CSMD1: variants seen among roughly 807,000 people sequenced by gnomAD.
The protein encoded by CSMD1 is CUB and sushi domain-containing protein 1.
CSMD1 carries 213 observed loss-of-function variants against 417.5 expected under a neutral mutation model. That is an observed-to-expected ratio of 0.51 (90% CI 0.46 to 0.57). The LOEUF (loss-of-function observed/expected upper bound fraction) is 0.57, where lower values mean the gene tolerates loss of function less well. Among genes scored for constraint, CSMD1 ranks in the 20% least tolerant of loss-of-function variants. The pLI is 0.00. For missense variants in CSMD1, 6,923 were observed against 4,529.7 expected (o/e 1.53, Z -15.17); for synonymous variants, 2,862 against 1,736.8 (o/e 1.65, Z -16.11).
chr8:3,061,199 C>T (rs1812567484), intron 49 of CSMD1, among the ~76,000 whole-genome samples: 1 of 152,108 alleles, frequency 6.6e-6, no homozygotes, highest in Admixed American at 6.6e-5. Flanking sequence ...ACCTGCAAAA[C>T]ACAAATCACC....
At position 4,986,735 on chromosome 8, in the gene CSMD1, T is replaced by C. The variant is rs528891718; in HGVS notation, c.85+7597A>G. On this transcript the variant is annotated intron_variant, in intron 1 of 69. Coordinates refer to ENST00000635120, the MANE Select transcript of CSMD1 (RefSeq NM_033225.6). Reference sequence around the variant, plus strand: ...TGTAAAACTATTAAAAAAAAGAAGATTAGACAGCATTGAATGATGGATACC... The same window carrying C: ...TGTAAAACTATTAAAAAAAAGAAGACTAGACAGCATTGAATGATGGATACC... Among the ~76,000 whole-genome samples, 9 of 152,196 alleles carry C rather than the reference T, an allele frequency of 5.9e-5. No individual in the cohort carries two copies. The South Asian group carries it at 1.7e-3, about 28-fold the overall frequency.
chr8:3,827,512 T>A (rs1481373008), intron 5 of CSMD1, among the ~76,000 whole-genome samples: 1 of 152,182 alleles, frequency 6.6e-6, no homozygotes, highest in Non-Finnish European at 1.5e-5. Flanking sequence ...CTCTGTGACA[T>A]CTAGGTTTCC....
chr8:4,451,630 T>C lies in CSMD1; in HGVS notation c.303-31565A>G, dbSNP rs566264006. On this transcript the variant is annotated intron_variant, in intron 2 of 69. Coordinates refer to ENST00000635120, the MANE Select transcript of CSMD1 (RefSeq NM_033225.6). ...AGGTTATATTCAAGAAGGAATCTAC[T>C]AGAAGGTAATGTTAGGATACATTCC... Among the ~76,000 whole-genome samples the C allele has an allele frequency of 1.2e-4, 18 of 152,306 alleles. No individual in the cohort carries two copies. In the South Asian group the frequency reaches 3.7e-3, roughly 32 times the overall value.
chr8:3,948,502 T>A (rs1256023542), intron 5 of CSMD1, among the ~76,000 whole-genome samples: 3 of 152,106 alleles, frequency 2.0e-5, no homozygotes, highest in South Asian at 2.1e-4. Context: ...TTTTGAATAG[T>A]TTGTCTTCTT....
chr8:3,026,929 T>A (rs1264889001), intron 51 of CSMD1, among the ~76,000 whole-genome samples: 1 of 152,164 alleles, frequency 6.6e-6, no homozygotes, highest in Non-Finnish European at 1.5e-5. Context: ...TGTACTCTGA[T>A]GTCATTTCCA....
At position 2,950,216 on chromosome 8, in the gene CSMD1, T is replaced by C. The variant is rs952033511; in HGVS notation, c.10314+15A>G. On this transcript the variant is annotated intron_variant, in intron 67 of 69. Coordinates refer to ENST00000635120, the MANE Select transcript of CSMD1 (RefSeq NM_033225.6). ...AAAGCCTGTGCTTTGTCACAGACCT[T>C]ACACATGTACTTACATAACCATCTA... The C allele has an allele frequency of 4.7e-6, 7 of 1,479,878 alleles. No homozygotes were observed. The highest frequency in any genetic ancestry group is 1.4e-5 in the African/African-American group (1 of 71,988). The allele number at this position is 1,479,878 out of a possible 1,614,324, so 91.7% of individuals were successfully genotyped here.
At chr8:4,886,913 C>T (rs573683888) in intron 1 of CSMD1, among the ~76,000 whole-genome samples, 18 of 151,896 alleles carry the variant, frequency 1.2e-4, no homozygotes, top group East Asian at 3.9e-4. Flanking sequence ...AATATTTAGT[C>T]GATGTTACAT....
At chr8:3,076,595 C>G in intron 49 of CSMD1, among the ~76,000 whole-genome samples, 1 of 152,162 alleles carries the variant, frequency 6.6e-6, no homozygotes, top group Admixed American at 6.5e-5. Context: ...AAGATATTCC[C>G]ATAACTGCTC....
At chr8:4,325,572 C>T (rs765014245) in intron 3 of CSMD1, among the ~76,000 whole-genome samples, 4 of 152,082 alleles carry the variant, frequency 2.6e-5, no homozygotes, top group Non-Finnish European at 4.4e-5. Flanking sequence ...TTAGCTTTTC[C>T]GGTGAGGTAA....
intron 2 of CSMD1, among the ~76,000 whole-genome samples, chr8:4,596,191 G>T (rs186297690): frequency 2.0e-5 from 3 of 152,126 alleles, no homozygotes; most frequent in African/African-American, 7.2e-5. Flanking sequence ...CTGACATCAA[G>T]TAAGTTTGGT....
At chr8:3,165,103 A>T (rs1187437458) in intron 37 of CSMD1, among the ~76,000 whole-genome samples, 1 of 152,062 alleles carries the variant, frequency 6.6e-6, no homozygotes, top group Non-Finnish European at 1.5e-5. Flanking sequence ...AAGCAGTTCT[A>T]TGCAGAGCAC....
chr8:3,383,955 G>A (rs1344328685), intron 18 of CSMD1, among the ~76,000 whole-genome samples: 1 of 152,130 alleles, frequency 6.6e-6, no homozygotes, highest in Non-Finnish European at 1.5e-5. Context: ...AAGGTTGCAG[G>A]AAAGAAGCTG....
At chr8:4,309,109 T>C (rs1203232483) in intron 3 of CSMD1, among the ~76,000 whole-genome samples, 1 of 152,196 alleles carries the variant, frequency 6.6e-6, no homozygotes, top group Non-Finnish European at 1.5e-5. Context: ...TTCTATCTAG[T>C]TTAATCAATG....
intron 3 of CSMD1, among the ~76,000 whole-genome samples, chr8:4,156,425 TGAG>T (rs1796838195): frequency 6.6e-6 from 1 of 152,202 alleles, no homozygotes; most frequent in Admixed American, 6.5e-5. Flanking sequence ...TGTACTGACT[TGAG>T]AAAGAAAGGA....
intron 5 of CSMD1, among the ~76,000 whole-genome samples, chr8:3,812,119 G>A (rs1034601284): frequency 1.3e-5 from 2 of 151,980 alleles, no homozygotes; most frequent in Admixed American, 6.6e-5. Flanking sequence ...TCCTTAAACG[G>A]GTGTCCATAT....
chr8:3,479,618 G>C (rs1372760824), intron 11 of CSMD1, among the ~76,000 whole-genome samples: 3 of 152,246 alleles, frequency 2.0e-5, no homozygotes, highest in East Asian at 3.9e-4. Context: ...ATTACTTTCA[G>C]TGGCAAAAAA....
At chr8:3,865,644 G>C (rs147938923) in intron 5 of CSMD1, among the ~76,000 whole-genome samples, 1 of 152,208 alleles carries the variant, frequency 6.6e-6, no homozygotes, top group Non-Finnish European at 1.5e-5. Flanking sequence ...TCACATCATC[G>C]ATGAAATTCC....
At chr8:3,999,812 T>C (rs1815518948) in intron 4 of CSMD1, among the ~76,000 whole-genome samples, 1 of 152,222 alleles carries the variant, frequency 6.6e-6, no homozygotes, top group South Asian at 2.1e-4. Context: ...GGGATGGGTG[T>C]TCTCATGTTT....
intron 5 of CSMD1, among the ~76,000 whole-genome samples, chr8:3,905,959 T>C (rs750491923): frequency 2.0e-5 from 3 of 152,240 alleles, no homozygotes; most frequent in African/African-American, 7.2e-5. Flanking sequence ...CCATACCTTT[T>C]GATTTTATCA....
Sources: gnomAD v4.1 joint callset for allele counts (sites outside exome capture counted in the v4.1 genomes callset) on GRCh38, gnomAD v4.1.1 for gene constraint, MANE v1.5 for transcripts, NCBI Gene and HGNC (gene_info 2026-07-23, HGNC 2026-07-21) for gene names.